PTPN9: variants seen among roughly 807,000 people sequenced by gnomAD.
PTPN9 encodes tyrosine-protein phosphatase non-receptor type 9.
A neutral mutation model predicts 69.8 loss-of-function variants in PTPN9; 26 were observed. The observed-to-expected ratio is 0.37, with a 90% CI of 0.27 to 0.52. The LOEUF is 0.52. PTPN9 is among the 20% of genes least tolerant of loss of function. PTPN9 has a pLI of 0.91. For missense variants in PTPN9, 549 were observed against 740.3 expected (o/e 0.74, Z 3.00); for synonymous variants, 274 against 272.5 (o/e 1.01, Z -0.05).
intron 1 of PTPN9, among the ~76,000 whole-genome samples, chr15:75,534,729 T>G (rs2074975963): frequency 6.7e-6 from 1 of 149,630 alleles, no homozygotes; most frequent in African/African-American, 2.5e-5. Flanking sequence ...TCCCAGCACC[T>G]TGGGAGGCCG....
At chr15:75,517,115 G>A (rs1336370568) in intron 5 of PTPN9, 144 bp downstream of exon 5, 2 of 566,648 alleles carry the variant, frequency 3.5e-6, no homozygotes, top group Non-Finnish European at 3.0e-6. Flanking sequence ...AGGAAGCAGA[G>A]AGTAGTCATC....
Position 75,464,193 on chromosome 15 carries a change from C to T in PTPN9, c.*4576G>A, listed in dbSNP as rs1486587067. The stretch of plus-strand genomic sequence containing the variant: ...GGGTGTGGTGGCCCATGCCTGTAAT[C>T]CTCTCACTTTGGGAGGCCGAGGCAG... On this transcript the variant is annotated 3_prime_UTR_variant, in exon 13 of 13. Coordinates refer to ENST00000618819, the MANE Select transcript of PTPN9 (RefSeq NM_002833.4). 6.6e-6 allele frequency: 1 copy of T among 152,496 alleles called. No individual in the cohort carries two copies. The highest frequency in any genetic ancestry group is 1.5e-5 in the Non-Finnish European group (1 of 68,392). 9.4% of individuals were successfully genotyped at this position (152,496 alleles called of 1,614,324 possible).
chr15:75,555,472 T>C (rs963980573), intron 1 of PTPN9, among the ~76,000 whole-genome samples: 1 of 151,950 alleles, frequency 6.6e-6, no homozygotes, highest in African/African-American at 2.4e-5. Flanking sequence ...AAAATGTGCA[T>C]TTTTGTTTTT....
Position 75,578,846 on chromosome 15 carries a change from G to A in PTPN9, c.-70C>T. 1 of 1,065,894 alleles carries A rather than the reference G, an allele frequency of 9.4e-7. No individual in the cohort carries two copies. The highest frequency in any genetic ancestry group is 1.2e-6 in the Non-Finnish European group (1 of 849,788). 66.0% of individuals were successfully genotyped at this position (1,065,894 alleles called of 1,614,324 possible). On this transcript the variant is annotated 5_prime_UTR_variant, in exon 1 of 13. Transcript: ENST00000618819. ...CGGGAGCCCGGCGCGCTCGGCCTCC[G>A]CTTCCGCGTCCCCGCGCCTCAGCAG... is the stretch of plus-strand genomic sequence containing the variant.
intron 1 of PTPN9, among the ~76,000 whole-genome samples, chr15:75,552,774 C>A (rs1435238711): frequency 6.7e-6 from 1 of 148,410 alleles, no homozygotes. Flanking sequence ...GTTCTGAGTG[C>A]TGAACTTTAA....
intron 5 of PTPN9, among the ~76,000 whole-genome samples, chr15:75,514,494 G>C (rs923361287): frequency 6.6e-6 from 1 of 152,164 alleles, no homozygotes; most frequent in Non-Finnish European, 1.5e-5. Context: ...CATGAGAACT[G>C]CTTGAACCCA....
intron 5 of PTPN9, chr15:75,513,115 G>C (rs1401235055): frequency 2.6e-6 from 1 of 380,342 alleles, no homozygotes; most frequent in Admixed American, 3.3e-5. Context: ...GGTGACTGCA[G>C]CAGGTACCCC....
At chr15:75,556,220 C>T (rs530580786) in intron 1 of PTPN9, among the ~76,000 whole-genome samples, 14 of 151,058 alleles carry the variant, frequency 9.3e-5, no homozygotes, top group South Asian at 8.4e-4. Flanking sequence ...CCCACCACCA[C>T]GCTTGGCTAA....
chr15:75,519,542 A>G (rs1020421064), intron 4 of PTPN9, among the ~76,000 whole-genome samples: 1 of 152,214 alleles, frequency 6.6e-6, no homozygotes, highest in African/African-American at 2.4e-5. Flanking sequence ...TCTGAGGTAC[A>G]TGAAAGTTTC....
chr15:75,519,277 G>A (rs1396029552), intron 4 of PTPN9, among the ~76,000 whole-genome samples: 4 of 152,154 alleles, frequency 2.6e-5, no homozygotes, highest in African/African-American at 9.7e-5. Flanking sequence ...CTTGGCTAAT[G>A]TATTTTTAGT....
chr15:75,563,059 C>G (rs147901278), intron 1 of PTPN9, among the ~76,000 whole-genome samples: 3 of 152,074 alleles, frequency 2.0e-5, no homozygotes, highest in Non-Finnish European at 4.4e-5. Flanking sequence ...ACACAATAGA[C>G]AGCTTTTTGA....
chr15:75,521,581 T>A (rs1239682236), intron 4 of PTPN9, among the ~76,000 whole-genome samples: 3 of 151,904 alleles, frequency 2.0e-5, no homozygotes, highest in Admixed American at 6.6e-5. Context: ...TGCAATGGCT[T>A]ATGCTTGTAA....
At chr15:75,499,445 G>A (rs150743870) in intron 7 of PTPN9, among the ~76,000 whole-genome samples, 3,196 of 117,140 alleles carry the variant, frequency 0.027, 135 homozygotes, top group African/African-American at 0.1. Flanking sequence ...TTGCTCTATC[G>A]CCCAGGCTGG....
intron 8 of PTPN9, among the ~76,000 whole-genome samples, chr15:75,482,197 T>C (rs2141293754): frequency 6.6e-6 from 1 of 151,970 alleles, no homozygotes; most frequent in Admixed American, 6.6e-5. Context: ...CTGTGTCCAC[T>C]CAGGGTTAAA....
Position 75,473,634 on chromosome 15 carries a change from C to G in PTPN9, c.1208+55G>C. The G allele has an allele frequency of 3.6e-6, 5 of 1,380,976 alleles. No homozygotes were observed. In the South Asian group the frequency reaches 5.9e-5, roughly 16 times the overall value. The allele number at this position is 1,380,976 out of a possible 1,614,324, so 85.5% of individuals were successfully genotyped here. ...AGCTAAACTTCCCTCTTTAATCACC[C>G]ATGCCTAGGGACAGAGTGGAGGTGG... is the stretch of plus-strand genomic sequence containing the variant. On this transcript the variant is annotated intron_variant, in intron 10 of 12. Transcript: ENST00000618819.
At position 75,468,242 on chromosome 15, in the gene PTPN9, GCA is replaced by G. The variant is rs141871316; in HGVS notation, c.*525_*526del. 2.4e-3 allele frequency: 373 copies of G among 156,552 alleles called. No individual in the cohort carries two copies. The highest frequency in any genetic ancestry group is 9.1e-3 in the South Asian group (49 of 5,408). The allele number at this position is 156,552 out of a possible 1,614,324, so 9.7% of individuals were successfully genotyped here. On this transcript the variant is annotated 3_prime_UTR_variant, in exon 13 of 13. Coordinates refer to ENST00000618819, the MANE Select transcript of PTPN9 (RefSeq NM_002833.4). ...TACATATGGACCCATACACATAAGT[GCA>G]CACACACACACACACAGAATGACAG...
rs1024434114 is a variant in PTPN9 at position 75,466,947 on chromosome 15, C to T, written c.*1822G>A. The T allele has an allele frequency of 2.6e-5, 4 of 152,180 alleles. No individual in the cohort carries two copies. Among genetic ancestry groups the T allele is most frequent in the Non-Finnish European group, 4.4e-5 (3 of 68,052 alleles). The allele number at this position is 152,180 out of a possible 1,614,324, so 9.4% of individuals were successfully genotyped here. A position where few individuals can be genotyped will look rare whatever the true frequency, so the allele number is the denominator to read the frequency against. ...TCTCAAGCACTGAACTGGTGCTGGT[C>T]CCTCTGTCCAGAGATAGGGCCATGG... On this transcript the variant is annotated 3_prime_UTR_variant, in exon 13 of 13. Coordinates refer to ENST00000618819, the MANE Select transcript of PTPN9 (RefSeq NM_002833.4).
At chr15:75,559,876 A>G (rs1239462571) in intron 1 of PTPN9, among the ~76,000 whole-genome samples, 1 of 152,046 alleles carries the variant, frequency 6.6e-6, no homozygotes, top group Admixed American at 6.6e-5. Flanking sequence ...ACGATGGCTC[A>G]TGCTTGTAAT....
At chr15:75,472,491 AAAAAT>A (rs1176102207) in intron 10 of PTPN9, among the ~76,000 whole-genome samples, 2 of 145,942 alleles carry the variant, frequency 1.4e-5, no homozygotes, top group Non-Finnish European at 3.0e-5. Flanking sequence ...AAAATAAAAT[AAAAAT>A]AAAATAAAAT....
Sources: gnomAD v4.1 joint callset for allele counts (sites outside exome capture counted in the v4.1 genomes callset) on GRCh38, gnomAD v4.1.1 for gene constraint, MANE v1.5 for transcripts, NCBI Gene and HGNC (gene_info 2026-07-23, HGNC 2026-07-21) for gene names.